The following LYAR variants were observed in gnomAD, a reference collection of about 807,000 sequenced individuals.
LYAR encodes cell growth-regulating nucleolar protein.
LYAR carries 37 observed loss-of-function variants against 45.2 expected under a neutral mutation model. The ratio of observed to expected loss-of-function variants is 0.82; its 90% CI spans 0.63 to 1.08. The LOEUF (loss-of-function observed/expected upper bound fraction) is 1.08, where lower values mean the gene tolerates loss of function less well. Ranked by LOEUF, LYAR falls within the 50% of genes least tolerant of loss-of-function variation. LYAR has a pLI of 0.00. For missense variants in LYAR, 493 were observed against 451.0 expected (o/e 1.09, Z -0.84); for synonymous variants, 176 against 155.1 (o/e 1.14, Z -1.00).
intron 7 of LYAR, 120 bp downstream of exon 7, chr4:4,274,245 CAA>C (rs200119744): frequency 1.8e-4 from 183 of 999,944 alleles, no homozygotes; most frequent in Non-Finnish European, 2.2e-4. Context: ...TCAAAAAAAA[CAA>C]AAAAAAAAAA....
intron 3 of LYAR, among the ~76,000 whole-genome samples, chr4:4,282,716 G>A (rs368077742): frequency 2.6e-5 from 4 of 152,114 alleles, no homozygotes; most frequent in Admixed American, 6.5e-5. Context: ...CTGAAGAACC[G>A]GTGTCTAAGG....
intron 8 of LYAR, among the ~76,000 whole-genome samples, chr4:4,272,180 G>A (rs1404467817): frequency 5.3e-5 from 8 of 152,192 alleles, no homozygotes; most frequent in Non-Finnish European, 1.0e-4. Flanking sequence ...TCCCGGCTGA[G>A]ATGCTGTACT....
intron 8 of LYAR, chr4:4,268,840 G>A: frequency 2.3e-6 from 1 of 436,106 alleles, no homozygotes; most frequent in Non-Finnish European, 4.1e-6. Flanking sequence ...ATGTGCTATT[G>A]GCATGACAAA....
In LYAR at chr4:4,274,668, G is replaced by C; in HGVS notation, c.531C>G (p.Ala177=). 6.2e-7 allele frequency: 1 copy of C among 1,613,648 alleles called. No homozygotes were observed. ...TKVPASKVKD[A]VEQQGEVKKN... is the part of the protein sequence containing the mutation. ...TCTTCACCTCCCCTTGCTGTTCCAC[G>C]GCGTCTTTCACTTTGGAGGCTGGAA... The change falls in exon 7 of 10, where the codon GCC becomes GCG. Residue 177 remains alanine, a synonymous_variant. Transcript: ENST00000343470.
In LYAR at chr4:4,279,669, G is replaced by T; in HGVS notation, c.318C>A (p.Asn106Lys). Residue 106 changes from asparagine to lysine, a missense_variant, in exon 5 of 10, where the codon AAC becomes AAA. By Grantham distance (94) the Asn-to-Lys change is moderately conservative (BLOSUM62 0). Transcript: ENST00000343470. ...GAAATTTTGCCTTTTTCCTGGGAAC[G>T]TTGTCAAAAGCACTAATTTGCTCTA... ...ELLEQISAFD[N>K]VPRKKAKFQN... The T allele has an allele frequency of 6.2e-7, 1 of 1,613,900 alleles. No individual in the cohort carries two copies. The highest frequency in any genetic ancestry group is 1.3e-5 in the African/African-American group (1 of 75,036).
At chr4:4,287,617 T>C (rs966949085) in intron 1 of LYAR, among the ~76,000 whole-genome samples, 6 of 152,114 alleles carry the variant, frequency 3.9e-5, no homozygotes, top group African/African-American at 1.2e-4. Context: ...AACCTAAGGC[T>C]CAGGAGGGTA....
In LYAR at chr4:4,270,667, CAGA is replaced by C. The variant is rs573991728; in HGVS notation, c.920-2055_920-2053del. Among the ~76,000 whole-genome samples the C allele has an allele frequency of 7.2e-4, 110 of 152,132 alleles. 1 individual carries two copies. Among genetic ancestry groups the C allele is most frequent in the African/African-American group, 2.5e-3 (103 of 41,494 alleles). On this transcript the variant is annotated intron_variant, in intron 8 of 9. Transcript: ENST00000343470. ...AACATATACAGATAGCAAATATGCA[CAGA>C]AGAAGGTGCTCAACAACATTAGTCA... is the stretch of plus-strand genomic sequence containing the variant.
In LYAR at chr4:4,274,705, A is replaced by G; in HGVS notation, c.494T>C (p.Ile165Thr). ...TTTGGAGGCTGGAACCTTGGTGGAG[A>G]TTTCTGCATGTGGATTTGCCACTGG... ...LHPVANPHAEISTKVPASKVK... is the reference protein window; with the variant it reads ...LHPVANPHAETSTKVPASKVK... The change falls in exon 7 of 10, where the codon ATC becomes ACC. Residue 165 changes from isoleucine (I) to threonine (T), a missense_variant. By Grantham distance (89) the Ile-to-Thr change is moderately conservative. Transcript: ENST00000343470. The G allele has an allele frequency of 4.3e-6, 7 of 1,613,178 alleles. No homozygotes were observed. Among genetic ancestry groups the G allele is most frequent in the Non-Finnish European group, 1.7e-6 (2 of 1,179,860 alleles).
At chr4:4,282,122 C>T (rs1195322939) in intron 3 of LYAR, among the ~76,000 whole-genome samples, 1 of 152,160 alleles carries the variant, frequency 6.6e-6, no homozygotes, top group Non-Finnish European at 1.5e-5. Context: ...AAACTTTTCC[C>T]CCATTTTTAT....
chr4:4,268,007 T>C lies in LYAR; in HGVS notation c.1022A>G (p.Tyr341Cys), dbSNP rs1299597889. 5 of 1,604,464 alleles carry C rather than the reference T, an allele frequency of 3.1e-6. No homozygotes were observed. The highest frequency in any genetic ancestry group is 1.3e-5 in the African/African-American group (1 of 74,578). Residue 341 changes from tyrosine (Y) to cysteine (C), a missense_variant, in exon 10 of 10, where the codon TAC becomes TGC. Physicochemically the swap from Tyr to Cys is radical, Grantham distance 194. Transcript: ENST00000343470. ...TCTGTGATGCTCATCTGTCACTGTG[T>C]AGTACTGAGCTAAAACCTTCACAAA... ...KLRKKVLAQY[Y>C]TVTDEHHRSE...
intron 3 of LYAR, among the ~76,000 whole-genome samples, chr4:4,282,409 C>A (rs1719429690): frequency 6.6e-6 from 1 of 152,156 alleles, no homozygotes; most frequent in Admixed American, 6.5e-5. Context: ...CTATGGGGTT[C>A]TTCAGGGAAA....
At chr4:4,272,637 C>T (rs1718980895) in intron 8 of LYAR, among the ~76,000 whole-genome samples, 1 of 152,186 alleles carries the variant, frequency 6.6e-6, no homozygotes. Context: ...AGGCATACAG[C>T]AGGACAGCAA....
At chr4:4,283,552 T>C in intron 3 of LYAR, 69 bp downstream of exon 3, 8 of 1,523,932 alleles carry the variant, frequency 5.2e-6, no homozygotes, top group Middle Eastern at 1.7e-4. Flanking sequence ...TTTCCAAGCT[T>C]TGTGGCGCCA....
rs767263184 is a variant in LYAR, at chr4:4,279,629, A to G, written c.345+13T>C. On this transcript the variant is annotated intron_variant, in intron 5 of 9. Transcript: ENST00000343470. ...CCACACGGCCCCCTCCATTCAAGAAAGTCAATTCATACCTGAAATTTTGCC... is the reference window on the plus strand; with the variant it reads ...CCACACGGCCCCCTCCATTCAAGAAGGTCAATTCATACCTGAAATTTTGCC... 4.4e-6 allele frequency: 7 copies of G among 1,608,676 alleles called. No individual in the cohort carries two copies. In the South Asian group the frequency reaches 6.6e-5, roughly 15 times the overall value.
intron 1 of LYAR, chr4:4,289,775 T>G (rs1719782916): frequency 6.6e-6 from 1 of 152,210 alleles, no homozygotes; most frequent in African/African-American, 2.4e-5. Flanking sequence ...TGAAGCCCAG[T>G]CGGGCGGTGA....
chr4:4,274,546 T>C lies in LYAR; in HGVS notation c.653A>G (p.Gln218Arg), dbSNP rs1489212084. ...LENHQENSRN[Q>R]KPKKRKKGQE... Reference sequence around the variant, plus strand: ...TCCCTTTTTGCGCTTCTTAGGCTTCTGATTCCTTGAGTTTTCCTGGTGGTT... The same window carrying C: ...TCCCTTTTTGCGCTTCTTAGGCTTCCGATTCCTTGAGTTTTCCTGGTGGTT... Residue 218 changes from glutamine to arginine, a missense_variant, in exon 7 of 10, where the codon CAG becomes CGG. Gln to Arg is a conservative substitution (Grantham distance 43). Coordinates refer to ENST00000343470, the MANE Select transcript of LYAR (RefSeq NM_017816.3). The C allele has an allele frequency of 1.9e-6, 3 of 1,614,034 alleles. No individual in the cohort carries two copies. The highest frequency in any genetic ancestry group is 1.7e-5 in the Admixed American group (1 of 59,980).
intron 7 of LYAR, 152 bp from the exon 8 acceptor site, chr4:4,273,821 G>T (rs1719053363): frequency 1.7e-6 from 1 of 589,116 alleles, no homozygotes; most frequent in Non-Finnish European, 3.0e-6. Flanking sequence ...ACCCCAGGAG[G>T]GTTTTATCCT....
chr4:4,270,541 AAAAAAAACCCACAAAAACAACAACC>A (rs1718892686), intron 8 of LYAR, among the ~76,000 whole-genome samples: 1 of 150,788 alleles, frequency 6.6e-6, no homozygotes. Context: ...AGTTAAAAAA[AAAAAAAACCCACAAAAACAACAACC>A]AAAAAAACCC....
At chr4:4,275,401 A>G (rs1026153978) in intron 6 of LYAR, among the ~76,000 whole-genome samples, 1 of 151,880 alleles carries the variant, frequency 6.6e-6, no homozygotes. Context: ...TCAGACTGGA[A>G]AGTTACCATT....
Sources: allele counts gnomAD v4.1 joint callset (sites outside exome capture counted in the v4.1 genomes callset), GRCh38; gene constraint gnomAD v4.1.1; transcripts MANE v1.5; gene names NCBI Gene and HGNC (gene_info 2026-07-23, HGNC 2026-07-21).